PBX3: variants seen among roughly 807,000 people sequenced by gnomAD.
PBX3 encodes the protein pre-B-cell leukemia transcription factor 3.
In PBX3, 14 loss-of-function variants were observed where a neutral mutation model predicts 48.5. The ratio of observed to expected loss-of-function variants is 0.29; its 90% CI spans 0.19 to 0.45. The LOEUF (loss-of-function observed/expected upper bound fraction) is 0.45, where lower values mean the gene tolerates loss of function less well. PBX3 is among the 20% of genes least tolerant of loss of function. PBX3 has a pLI of 1.00. For missense variants in PBX3, 386 were observed against 546.7 expected (o/e 0.71, Z 2.93); for synonymous variants, 210 against 200.3 (o/e 1.05, Z -0.41).
At chr9:125,819,041 G>T (rs1414912371) in intron 2 of PBX3, among the ~76,000 whole-genome samples, 1 of 148,820 alleles carries the variant, frequency 6.7e-6, no homozygotes, top group Non-Finnish European at 1.5e-5. Context: ...TCACCATGTT[G>T]GCCAGGCTAG....
chr9:125,794,794 A>G (rs542398234), intron 2 of PBX3, among the ~76,000 whole-genome samples: 55 of 152,016 alleles, frequency 3.6e-4, no homozygotes, highest in African/African-American at 1.3e-3. Flanking sequence ...CAAAGATAAC[A>G]AGGTTGGGCA....
chr9:125,852,890 G>A (rs369697239), intron 2 of PBX3, among the ~76,000 whole-genome samples: 2 of 152,048 alleles, frequency 1.3e-5, no homozygotes, highest in African/African-American at 4.8e-5. Flanking sequence ...AGACTTTTTT[G>A]TTGTTAATTA....
chr9:125,922,138 A>G (rs1005100584), intron 3 of PBX3, among the ~76,000 whole-genome samples: 1 of 152,228 alleles, frequency 6.6e-6, no homozygotes, highest in Non-Finnish European at 1.5e-5. Context: ...CCAAATATGT[A>G]CAGATATTGA....
Position 125,760,210 on chromosome 9 carries a change from C to A in PBX3, c.274+11587C>A, listed in dbSNP as rs369762874. Among the ~76,000 whole-genome samples the A allele has an allele frequency of 2.0e-5, 3 of 152,280 alleles. No homozygotes were observed. In the East Asian group the frequency reaches 5.8e-4, roughly 29 times the overall value. ...AAAGTTTACTTTCTATTTTAAAGTT[C>A]ATCTCAACATTTTTCTCTTAAAATA... On this transcript the variant is annotated intron_variant, in intron 2 of 8. Transcript: ENST00000373489.
chr9:125,793,547 A>G (rs2132072697), intron 2 of PBX3, among the ~76,000 whole-genome samples: 1 of 151,476 alleles, frequency 6.6e-6, no homozygotes, highest in East Asian at 2.0e-4. Context: ...CTCCTGCATC[A>G]GCCTCCCTAG....
At chr9:125,932,029 C>T (rs573267965) in intron 4 of PBX3, among the ~76,000 whole-genome samples, 184 of 152,176 alleles carry the variant, frequency 1.2e-3, no homozygotes, top group African/African-American at 4.3e-3. Context: ...TCCTGTGTTT[C>T]TTCCAAAATG....
chr9:125,915,756 T>C lies in PBX3; in HGVS notation c.345T>C (p.Leu115=). 2 of 1,614,042 alleles carry C rather than the reference T, an allele frequency of 1.2e-6. No homozygotes were observed. Among genetic ancestry groups the C allele is most frequent in the Non-Finnish European group, 1.7e-6 (2 of 1,179,992 alleles). Residue 115 remains leucine, a synonymous_variant, in exon 3 of 9, where the codon CTT becomes CTC. Transcript: ENST00000373489. ...AGCTAATGAGACTGGACAATATGCT[T>C]TTGGCAGAAGGGGTTTCAGGTCCTG... ...DPQLMRLDNM[L]LAEGVSGPEK... is the part of the protein sequence containing the mutation.
intron 2 of PBX3, among the ~76,000 whole-genome samples, chr9:125,800,898 G>A (rs532386529): frequency 5.9e-5 from 9 of 151,682 alleles, no homozygotes; most frequent in Non-Finnish European, 8.8e-5. Flanking sequence ...GATTACAGGC[G>A]CCTGCCACCA....
intron 2 of PBX3, among the ~76,000 whole-genome samples, chr9:125,845,716 C>A (rs563351664): frequency 6.6e-6 from 1 of 152,024 alleles, no homozygotes; most frequent in Non-Finnish European, 1.5e-5. Context: ...GTTTTTGTCT[C>A]AGGTGTCTGC....
chr9:125,862,895 T>C (rs1033542402), intron 2 of PBX3, among the ~76,000 whole-genome samples: 4 of 152,096 alleles, frequency 2.6e-5, no homozygotes, highest in African/African-American at 4.8e-5. Flanking sequence ...ATGTATGATT[T>C]TTATTTTATT....
At chr9:125,809,102 T>C (rs1005273363) in intron 2 of PBX3, among the ~76,000 whole-genome samples, 6 of 152,242 alleles carry the variant, frequency 3.9e-5, no homozygotes, top group Non-Finnish European at 7.4e-5. Flanking sequence ...TGGTACTAAA[T>C]AGACTGCAAG....
At chr9:125,955,701 C>T (rs1170224373) in intron 5 of PBX3, among the ~76,000 whole-genome samples, 1 of 152,196 alleles carries the variant, frequency 6.6e-6, no homozygotes, top group African/African-American at 2.4e-5. Context: ...CAGAAGCCTC[C>T]TCTGATTTCT....
At chr9:125,828,044 A>G (rs1448903800) in intron 2 of PBX3, among the ~76,000 whole-genome samples, 26 of 152,178 alleles carry the variant, frequency 1.7e-4, no homozygotes, top group Admixed American at 1.7e-3. Flanking sequence ...TACAGATATT[A>G]GTAGTCCTTA....
At chr9:125,906,590 A>G (rs1350118729) in intron 2 of PBX3, among the ~76,000 whole-genome samples, 4 of 152,022 alleles carry the variant, frequency 2.6e-5, no homozygotes, top group Admixed American at 6.6e-5. Flanking sequence ...TGAGGGACAT[A>G]TGAATGACAT....
At chr9:125,959,861 TTATA>T (rs1842389674) in intron 5 of PBX3, among the ~76,000 whole-genome samples, 1 of 152,222 alleles carries the variant, frequency 6.6e-6, no homozygotes, top group African/African-American at 2.4e-5. Context: ...TTTAGCTTCT[TTATA>T]TAGCTCAATT....
chr9:125,878,092 A>G (rs774859827), intron 2 of PBX3, among the ~76,000 whole-genome samples: 8 of 152,240 alleles, frequency 5.3e-5, no homozygotes, highest in Non-Finnish European at 1.0e-4. Flanking sequence ...TGCCACCATT[A>G]TGGTAAATTG....
intron 2 of PBX3, among the ~76,000 whole-genome samples, chr9:125,885,929 G>T (rs1382485475): frequency 6.6e-6 from 1 of 152,112 alleles, no homozygotes; most frequent in East Asian, 1.9e-4. Flanking sequence ...TTTGGCCCAT[G>T]TAAATGTTTA....
intron 2 of PBX3, among the ~76,000 whole-genome samples, chr9:125,858,522 A>C (rs779554801): frequency 6.6e-6 from 1 of 152,138 alleles, no homozygotes; most frequent in African/African-American, 2.4e-5. Context: ...CACTGGAATC[A>C]GTGAATTTAA....
intron 2 of PBX3, among the ~76,000 whole-genome samples, chr9:125,768,935 C>A (rs1415229842): frequency 6.6e-6 from 1 of 152,124 alleles, no homozygotes; most frequent in Non-Finnish European, 1.5e-5. Flanking sequence ...GAAAAAAGGT[C>A]TGCCAAAATA....
Sources: allele counts gnomAD v4.1 joint callset (sites outside exome capture counted in the v4.1 genomes callset), GRCh38; gene constraint gnomAD v4.1.1; transcripts MANE v1.5; gene names NCBI Gene and HGNC (gene_info 2026-07-23, HGNC 2026-07-21).